Variants in SSBP2 observed in about 807,000 individuals in gnomAD.
SSBP2 encodes the protein single-stranded DNA-binding protein 2.
In SSBP2, 17 loss-of-function variants were observed where a neutral mutation model predicts 61.8. The observed-to-expected ratio is 0.28, with a 90% CI of 0.19 to 0.41. SSBP2 has a LOEUF of 0.41. SSBP2 is among the 10% of genes least tolerant of loss of function. The pLI is 1.00. For missense variants in SSBP2, 310 were observed against 458.7 expected (o/e 0.68, Z 2.96); for synonymous variants, 139 against 141.3 (o/e 0.98, Z 0.12).
intron 4 of SSBP2, among the ~76,000 whole-genome samples, chr5:81,553,842 T>C (rs1581006754): frequency 6.6e-6 from 1 of 152,204 alleles, no homozygotes; most frequent in East Asian, 1.9e-4. Context: ...CTTCTTTTCT[T>C]ACCATCCTTT....
chr5:81,514,037 G>T (rs985309699), intron 4 of SSBP2, among the ~76,000 whole-genome samples: 1 of 152,130 alleles, frequency 6.6e-6, no homozygotes, highest in African/African-American at 2.4e-5. Context: ...TTAAGGCACA[G>T]GCATCTGAAA....
At chr5:81,742,441 C>G (rs148405395) in intron 1 of SSBP2, among the ~76,000 whole-genome samples, 1 of 152,250 alleles carries the variant, frequency 6.6e-6, no homozygotes, top group African/African-American at 2.4e-5. Flanking sequence ...TTCATTACAT[C>G]CTTAACTCAT....
intron 4 of SSBP2, among the ~76,000 whole-genome samples, chr5:81,581,503 T>A (rs1774644733): frequency 1.3e-5 from 2 of 152,138 alleles, no homozygotes; most frequent in East Asian, 3.8e-4. Flanking sequence ...AGTTGAAAAA[T>A]TCCATTTCAA....
At chr5:81,626,581 A>C (rs144812695) in intron 3 of SSBP2, among the ~76,000 whole-genome samples, 2 of 152,224 alleles carry the variant, frequency 1.3e-5, no homozygotes, top group African/African-American at 4.8e-5. Context: ...ATCAGCTATT[A>C]TAAGAGTGGG....
In SSBP2 at chr5:81,750,835, G is replaced by A. The variant is rs1279356339; in HGVS notation, c.62+146C>T. 16 of 888,192 alleles carry A rather than the reference G, an allele frequency of 1.8e-5. No homozygotes were observed. In the Admixed American group the frequency reaches 3.5e-4, roughly 19 times the overall value. The allele number at this position is 888,192 out of a possible 1,614,324, so 55.0% of individuals were successfully genotyped here. A position where few individuals can be genotyped will look rare whatever the true frequency, so the allele number is the denominator to read the frequency against. On this transcript the variant is annotated intron_variant, in intron 1 of 16. Transcript: ENST00000320672. Reference sequence around the variant, plus strand: ...GAAAGCGCAGCTCCCCGCACCACACGCCCCCATCGCGGCACCCCTCCCCCT... The same window carrying A: ...GAAAGCGCAGCTCCCCGCACCACACACCCCCATCGCGGCACCCCTCCCCCT...
At chr5:81,638,919 A>T (rs1241648800) in intron 2 of SSBP2, among the ~76,000 whole-genome samples, 4 of 152,230 alleles carry the variant, frequency 2.6e-5, no homozygotes, top group African/African-American at 9.6e-5. Context: ...ACACTGAGTT[A>T]TCATGTATAC....
chr5:81,476,791 T>TA (rs1383990115), intron 6 of SSBP2, among the ~76,000 whole-genome samples: 3 of 152,218 alleles, frequency 2.0e-5, no homozygotes, highest in Admixed American at 6.5e-5. Context: ...AACTGTCAAA[T>TA]AGAGACATTC....
At chr5:81,457,457 T>C (rs146392359) in intron 10 of SSBP2, among the ~76,000 whole-genome samples, 23 of 152,238 alleles carry the variant, frequency 1.5e-4, no homozygotes, top group African/African-American at 3.1e-4. Flanking sequence ...ATGTCCAAAA[T>C]AGCAGATGAA....
chr5:81,561,174 A>T (rs1203221353), intron 4 of SSBP2, among the ~76,000 whole-genome samples: 2 of 152,202 alleles, frequency 1.3e-5, no homozygotes, highest in African/African-American at 2.4e-5. Context: ...TCCTTCCCCA[A>T]GAATGTTTCT....
chr5:81,609,089 T>C (rs1276648669), intron 4 of SSBP2, among the ~76,000 whole-genome samples: 1 of 152,188 alleles, frequency 6.6e-6, no homozygotes, highest in African/African-American at 2.4e-5. Flanking sequence ...TGATTGGGTG[T>C]TCTCTCATTC....
intron 4 of SSBP2, among the ~76,000 whole-genome samples, chr5:81,587,294 T>G (rs531145251): frequency 6.6e-6 from 1 of 152,226 alleles, no homozygotes; most frequent in African/African-American, 2.4e-5. Context: ...GAGTGTACAT[T>G]AAATTTTCTC....
rs564762660 is a variant in SSBP2 at position 81,713,090 on chromosome 5, A to T, written c.62+37891T>A. Among the ~76,000 whole-genome samples, 3 of 152,194 alleles carry T rather than the reference A, an allele frequency of 2.0e-5. No individual in the cohort carries two copies. In the East Asian group the frequency reaches 5.8e-4, roughly 29 times the overall value. On this transcript the variant is annotated intron_variant, in intron 1 of 16. Transcript: ENST00000320672. ...TGAAGAGTCCACCAGATGAAACAAC[A>T]GTAACAAAATTATGGTAAATCACTT...
chr5:81,625,921 C>T (rs749190624), intron 3 of SSBP2, among the ~76,000 whole-genome samples: 1 of 152,092 alleles, frequency 6.6e-6, no homozygotes, highest in Non-Finnish European at 1.5e-5. Context: ...AACAATAAAA[C>T]GCCATGGAAA....
intron 12 of SSBP2, among the ~76,000 whole-genome samples, 159 bp downstream of exon 12, chr5:81,446,709 T>C (rs569045767): frequency 3.3e-5 from 5 of 152,366 alleles, no homozygotes; most frequent in Non-Finnish European, 7.3e-5. Context: ...TGGATAATAC[T>C]TATTTAAGAA....
intron 2 of SSBP2, among the ~76,000 whole-genome samples, chr5:81,638,195 T>A (rs1390842067): frequency 6.6e-6 from 1 of 151,612 alleles, no homozygotes; most frequent in Non-Finnish European, 1.5e-5. Flanking sequence ...ATGGCACATG[T>A]ATACATATGT....
intron 4 of SSBP2, among the ~76,000 whole-genome samples, chr5:81,553,335 T>C (rs548973137): frequency 6.6e-6 from 1 of 152,260 alleles, no homozygotes; most frequent in Non-Finnish European, 1.5e-5. Flanking sequence ...TCTAAAAATA[T>C]AAGAATCTTT....
At chr5:81,748,169 ATG>A (rs1757473990) in intron 1 of SSBP2, among the ~76,000 whole-genome samples, 1 of 152,180 alleles carries the variant, frequency 6.6e-6, no homozygotes. Context: ...TATAAAACCA[ATG>A]TGCTTATTTC....
At chr5:81,439,886 T>C (rs1425777894) in intron 14 of SSBP2, among the ~76,000 whole-genome samples, 1 of 151,952 alleles carries the variant, frequency 6.6e-6, no homozygotes, top group Non-Finnish European at 1.5e-5. Context: ...TTAGCCAGGA[T>C]GGTCTCAATC....
intron 5 of SSBP2, among the ~76,000 whole-genome samples, chr5:81,509,239 C>T (rs141915727): frequency 0.012 from 1,804 of 152,280 alleles, 19 homozygotes; most frequent in Non-Finnish European, 0.015. Flanking sequence ...TGCTTCCATT[C>T]CTCCTTGCCT....
Sources: allele counts gnomAD v4.1 joint callset (sites outside exome capture counted in the v4.1 genomes callset), GRCh38; gene constraint gnomAD v4.1.1; transcripts MANE v1.5; gene names NCBI Gene and HGNC (gene_info 2026-07-23, HGNC 2026-07-21).